The following HHLA1 variants were observed in gnomAD, a reference collection of about 807,000 sequenced individuals.
The protein encoded by HHLA1 is HERV-H LTR-associating protein 1.
A neutral mutation model predicts 69.9 loss-of-function variants in HHLA1; 72 were observed. The ratio of observed to expected loss-of-function variants is 1.03; its 90% CI spans 0.85 to 1.25. The LOEUF (loss-of-function observed/expected upper bound fraction) is 1.25. Ranked by LOEUF, HHLA1 falls within the 50% of genes most tolerant of loss-of-function variation. The probability of loss-of-function intolerance (pLI) is 0.00; values close to 1 mark genes in which losing one functional copy is unlikely to be tolerated. For synonymous variants in HHLA1, 252 were observed against 233.2 expected, an observed-to-expected ratio of 1.08 and a Z score of -0.73; for missense variants, 685 against 642.2, an observed-to-expected ratio of 1.07 and a Z score of -0.72.
At chr8:132,082,568 CT>C (rs1823774671) in intron 10 of HHLA1, among the ~76,000 whole-genome samples, 1 of 151,984 alleles carries the variant, frequency 6.6e-6, no homozygotes, top group African/African-American at 2.4e-5. Context: ...GAAATTTGGG[CT>C]TGATTGAAGT....
intron 7 of HHLA1, among the ~76,000 whole-genome samples, chr8:132,094,652 G>A (rs971059913): frequency 6.6e-5 from 10 of 152,110 alleles, no homozygotes; most frequent in African/African-American, 2.2e-4. Context: ...ATCCCCCACT[G>A]TGACTTTTCC....
At chr8:132,080,421 T>C in intron 10 of HHLA1, 1 of 293,100 alleles carries the variant, frequency 3.4e-6, no homozygotes, top group Non-Finnish European at 6.6e-6. Flanking sequence ...GTTTGTTCTC[T>C]GGCGGGCAGG....
intron 10 of HHLA1, among the ~76,000 whole-genome samples, chr8:132,084,217 A>C (rs1823818673): frequency 1.3e-5 from 2 of 151,848 alleles, no homozygotes; most frequent in Non-Finnish European, 2.9e-5. Flanking sequence ...TGAGGAGGGG[A>C]GGTGATAAAA....
chr8:132,106,545 A>T (rs1824204754), intron 1 of HHLA1, among the ~76,000 whole-genome samples: 1 of 152,222 alleles, frequency 6.6e-6, no homozygotes, highest in South Asian at 2.1e-4. Context: ...GAGAACTCTC[A>T]CAGGGTCTTT....
In HHLA1 at chr8:132,105,182, C is replaced by T; in HGVS notation, c.79+5G>A. ...AGACACTTGCAGAACTCCAGCTAGA[C>T]CCACCTGTGTTCCAAAGGGACAAGA... On this transcript the variant is annotated splice_donor_5th_base_variant and intron_variant, in intron 2 of 16. Coordinates refer to ENST00000414222, the MANE Select transcript of HHLA1 (RefSeq NM_001145095.3). 1 of 1,549,782 alleles carries T rather than the reference C, an allele frequency of 6.5e-7. No individual in the cohort carries two copies. The highest frequency in any genetic ancestry group is 8.7e-7 in the Non-Finnish European group (1 of 1,145,022).
At chr8:132,070,632 TCAACTCATTA>T (rs886809305) in intron 15 of HHLA1, among the ~76,000 whole-genome samples, 2 of 151,832 alleles carry the variant, frequency 1.3e-5, no homozygotes, top group Non-Finnish European at 2.9e-5. Flanking sequence ...TCCACTCATC[TCAACTCATTA>T]CACCTCAACT....
chr8:132,102,513 C>T (rs1178873824), intron 3 of HHLA1, among the ~76,000 whole-genome samples: 1 of 152,228 alleles, frequency 6.6e-6, no homozygotes, highest in African/African-American at 2.4e-5. Context: ...AGCCAGCTGT[C>T]TAGCTTGAGT....
rs573105715 is a variant in HHLA1 at position 132,063,095 on chromosome 8, C to T, written c.*900G>A. On this transcript the variant is annotated 3_prime_UTR_variant, in exon 17 of 17. Transcript: ENST00000414222. ...CCAAAACTTGGATGAGCTTTCCTGG[C>T]TGACAATACTCCACGTGTTGTTAAA... 6.6e-6 allele frequency: 1 copy of T among 152,402 alleles called. No individual in the cohort carries two copies. Among genetic ancestry groups the T allele is most frequent in the East Asian group, 1.9e-4 (1 of 5,186 alleles). 9.4% of individuals were successfully genotyped at this position (152,402 alleles called of 1,614,324 possible).
At chr8:132,090,439 C>A (rs1217254070) in intron 7 of HHLA1, among the ~76,000 whole-genome samples, 1 of 152,214 alleles carries the variant, frequency 6.6e-6, no homozygotes, top group Non-Finnish European at 1.5e-5. Context: ...GATGATTTCC[C>A]ATCATGCTGT....
At chr8:132,095,182 G>A (rs974215998) in intron 7 of HHLA1, among the ~76,000 whole-genome samples, 2 of 152,158 alleles carry the variant, frequency 1.3e-5, no homozygotes, top group Non-Finnish European at 2.9e-5. Context: ...GCTTTTCCAT[G>A]CACAGGCCAA....
At chr8:132,070,124 G>C (rs1464302003) in intron 15 of HHLA1, 1 of 370,902 alleles carries the variant, frequency 2.7e-6, no homozygotes, top group Non-Finnish European at 4.9e-6. Context: ...AATGGATCTT[G>C]AGAGTAGTCT....
intron 10 of HHLA1, among the ~76,000 whole-genome samples, chr8:132,082,188 AAGCAGAAAGTATAT>A: frequency 6.6e-6 from 1 of 152,204 alleles, no homozygotes; most frequent in Non-Finnish European, 1.5e-5. Flanking sequence ...AGGAGCCAGG[AAGCAGAAAGTATAT>A]GCATCAGCTA....
chr8:132,072,225 T>C, intron 14 of HHLA1, among the ~76,000 whole-genome samples: 1 of 152,164 alleles, frequency 6.6e-6, no homozygotes, highest in East Asian at 1.9e-4. Flanking sequence ...AACAAATTAT[T>C]TTTAATAAAA....
At chr8:132,087,554 C>G in intron 10 of HHLA1, 99 bp downstream of exon 10, 2 of 719,396 alleles carry the variant, frequency 2.8e-6, no homozygotes, top group East Asian at 2.7e-5. Context: ...TACAGTATAG[C>G]GAAACACAAC....
In HHLA1 at chr8:132,077,548, G is replaced by A. The variant is rs541484357; in HGVS notation, c.1171+178C>T. The stretch of plus-strand genomic sequence containing the variant: ...AAGAAGGAGCTTTCATTCATCTACA[G>A]ATGGGAAGAAAGAGGTAGGGCAAAG... On this transcript the variant is annotated intron_variant, in intron 12 of 16. Transcript: ENST00000414222. Among the ~76,000 whole-genome samples the A allele has an allele frequency of 2.0e-5, 3 of 152,304 alleles. No homozygotes were observed. The South Asian group carries it at 6.2e-4, about 32-fold the overall frequency.
intron 10 of HHLA1, among the ~76,000 whole-genome samples, chr8:132,083,230 G>A (rs1454416498): frequency 6.6e-6 from 1 of 152,108 alleles, no homozygotes; most frequent in African/African-American, 2.4e-5. Context: ...ATGCACAGGT[G>A]GGGATAACTA....
chr8:132,070,364 A>C, intron 15 of HHLA1: 1 of 702,080 alleles, frequency 1.4e-6, no homozygotes, highest in Non-Finnish European at 2.6e-6. Context: ...GATGATTGGT[A>C]GGGATTTATG....
chr8:132,078,982 A>T (rs1421531334), intron 11 of HHLA1, among the ~76,000 whole-genome samples: 1 of 152,168 alleles, frequency 6.6e-6, no homozygotes, highest in Admixed American at 6.5e-5. Context: ...GGTTTGTTAC[A>T]TATGTATACA....
At chr8:132,105,054 T>A in intron 2 of HHLA1, 133 bp downstream of exon 2, 2 of 707,836 alleles carry the variant, frequency 2.8e-6, no homozygotes, top group Non-Finnish European at 4.9e-6. Flanking sequence ...AGTAGGGAAG[T>A]TATTCTTGCC....
Sources: gnomAD v4.1 joint callset for allele counts (sites outside exome capture counted in the v4.1 genomes callset) on GRCh38, gnomAD v4.1.1 for gene constraint, MANE v1.5 for transcripts, NCBI Gene and HGNC (gene_info 2026-07-23, HGNC 2026-07-21) for gene names.